SUMF1: variants seen among roughly 807,000 people sequenced by gnomAD.
SUMF1 encodes the protein sulfatase modifying factor 1, also known as formylglycine-generating enzyme.
A neutral mutation model predicts 47.6 loss-of-function variants in SUMF1; 48 were observed. The observed-to-expected ratio is 1.01, with a 90% CI of 0.80 to 1.28. SUMF1 has a LOEUF of 1.28. Ranked by LOEUF, SUMF1 falls within the 50% of genes most tolerant of loss-of-function variation. The pLI, the probability that SUMF1 is intolerant of heterozygous loss-of-function variation, is 0.00. For synonymous variants in SUMF1, 230 were observed against 192.1 expected, an observed-to-expected ratio of 1.20 and a Z score of -1.63; for missense variants, 571 against 485.4, an observed-to-expected ratio of 1.18 and a Z score of -1.66.
At chr3:4,247,125 G>A (rs1696688799) in intron 8 of SUMF1, among the ~76,000 whole-genome samples, 1 of 152,174 alleles carries the variant, frequency 6.6e-6, no homozygotes, top group African/African-American at 2.4e-5. Context: ...AGGCAAAGGA[G>A]GCATATTTTT....
intron 8 of SUMF1, among the ~76,000 whole-genome samples, chr3:4,075,517 G>C (rs541696069): frequency 6.6e-6 from 1 of 152,162 alleles, no homozygotes; most frequent in South Asian, 2.1e-4. Flanking sequence ...AAGAAAAAAA[G>C]GGTATTCAAT....
chr3:4,056,005 G>C (rs1334944595), intron 9 of SUMF1, among the ~76,000 whole-genome samples: 2 of 152,010 alleles, frequency 1.3e-5, no homozygotes, highest in African/African-American at 4.8e-5. Flanking sequence ...CTCTGATTCT[G>C]TCTTCCAATT....
intron 8 of SUMF1, among the ~76,000 whole-genome samples, chr3:4,215,246 G>A (rs1233306450): frequency 6.6e-6 from 1 of 152,114 alleles, no homozygotes; most frequent in Non-Finnish European, 1.5e-5. Flanking sequence ...TTCAACATAT[G>A]CAAATCAATA....
At chr3:4,359,603 A>G (rs1000296473), downstream of SUMF1, among the ~76,000 whole-genome samples, 2 of 150,676 alleles carry the variant, frequency 1.3e-5, no homozygotes, top group Non-Finnish European at 2.9e-5. Context: ...ACTTACAATC[A>G]TGGTGGAAGG....
intron 8 of SUMF1, among the ~76,000 whole-genome samples, chr3:4,124,202 A>G (rs1693606328): frequency 6.6e-6 from 1 of 152,180 alleles, no homozygotes; most frequent in Non-Finnish European, 1.5e-5. Context: ...GGGGAGACAG[A>G]ATAAACAGAT....
rs1698063045 is a variant in SUMF1, at chr3:4,303,862, C to T, written c.1014+72468G>A. The T allele has an allele frequency of 2.3e-6, 3 of 1,312,516 alleles. No individual in the cohort carries two copies. The Admixed American group carries it at 7.3e-5, about 32-fold the overall frequency. 81.3% of individuals were successfully genotyped at this position (1,312,516 alleles called of 1,614,324 possible). ...TTTACCTCCCTGGTCTCAGGTGTCT[C>T]TCACAGGTAGGATAAGCCGTGGGGC... is the stretch of plus-strand genomic sequence containing the variant. On this transcript the variant is annotated intron_variant and NMD_transcript_variant, in intron 8 of 12. Transcript: ENST00000448413.
At chr3:4,322,766 C>T (rs542442374) in intron 8 of SUMF1, among the ~76,000 whole-genome samples, 1 of 149,652 alleles carries the variant, frequency 6.7e-6, no homozygotes, top group South Asian at 2.1e-4. Flanking sequence ...AATTGTGCAA[C>T]TACTCTAAAG....
chr3:4,235,610 T>C (rs960209496), intron 8 of SUMF1, among the ~76,000 whole-genome samples: 5 of 152,094 alleles, frequency 3.3e-5, no homozygotes, highest in African/African-American at 1.2e-4. Context: ...ATTTAAGAGA[T>C]ATATCATAAA....
chr3:4,313,804 G>A (rs1244613381), intron 8 of SUMF1: 2 of 1,608,504 alleles, frequency 1.2e-6, no homozygotes, highest in African/African-American at 2.7e-5. Context: ...TCCCTATAGT[G>A]GAAGACAGTG....
chr3:4,109,021 C>G (rs1437444027), intron 8 of SUMF1, among the ~76,000 whole-genome samples: 33 of 152,126 alleles, frequency 2.2e-4, no homozygotes, highest in Admixed American at 1.2e-3. Context: ...TCCTAGCCTC[C>G]ATGGTCTTTA....
downstream of SUMF1, among the ~76,000 whole-genome samples, chr3:4,356,235 G>A (rs1290106692): frequency 4.6e-5 from 7 of 152,146 alleles, no homozygotes; most frequent in Non-Finnish European, 1.0e-4. Context: ...CTGCTCTAGG[G>A]TGGTTTGTAT....
At chr3:4,251,104 T>C (rs1008198290) in intron 8 of SUMF1, among the ~76,000 whole-genome samples, 3 of 152,174 alleles carry the variant, frequency 2.0e-5, no homozygotes, top group Admixed American at 1.3e-4. Context: ...GATTCACCAT[T>C]CTAGATACCA....
chr3:4,272,938 C>T (rs922215165), intron 8 of SUMF1, among the ~76,000 whole-genome samples: 12 of 152,000 alleles, frequency 7.9e-5, no homozygotes, highest in South Asian at 2.1e-4. Flanking sequence ...AGCGAGGCAT[C>T]GTGTTACGCA....
chr3:4,392,809 T>C (rs1279422904), intron 7 of SUMF1, among the ~76,000 whole-genome samples: 1 of 152,042 alleles, frequency 6.6e-6, no homozygotes, highest in Non-Finnish European at 1.5e-5. Flanking sequence ...CCATGGTCTG[T>C]ACCCACTGAT....
At chr3:4,268,017 A>C (rs1232889403) in intron 8 of SUMF1, among the ~76,000 whole-genome samples, 1 of 152,170 alleles carries the variant, frequency 6.6e-6, no homozygotes, top group Admixed American at 6.5e-5. Context: ...CTGGATTAAG[A>C]AAATGTGGTA....
chr3:4,067,360 C>G (rs377496910), intron 9 of SUMF1, among the ~76,000 whole-genome samples: 27 of 152,170 alleles, frequency 1.8e-4, no homozygotes, highest in African/African-American at 6.3e-4. Context: ...AAGGAGAGCA[C>G]TCCAAATTTG....
At chr3:4,328,114 A>G (rs776045278) in intron 8 of SUMF1, among the ~76,000 whole-genome samples, 8 of 152,132 alleles carry the variant, frequency 5.3e-5, no homozygotes, top group South Asian at 2.1e-4. Flanking sequence ...GGTACTTAGG[A>G]GGCTGAGGTG....
intron 8 of SUMF1, among the ~76,000 whole-genome samples, chr3:4,104,758 C>A (rs968072324): frequency 2.0e-5 from 3 of 151,834 alleles, no homozygotes; most frequent in African/African-American, 7.3e-5. Context: ...TTTCCTTTAA[C>A]CTTTCCAGGC....
intron 8 of SUMF1, among the ~76,000 whole-genome samples, chr3:4,201,450 C>A (rs1695538218): frequency 6.6e-6 from 1 of 152,020 alleles, no homozygotes; most frequent in Non-Finnish European, 1.5e-5. Flanking sequence ...CCACTTCCAC[C>A]CATCTTGTTG....
Sources: gnomAD v4.1 joint callset for allele counts (sites outside exome capture counted in the v4.1 genomes callset) on GRCh38, gnomAD v4.1.1 for gene constraint, MANE v1.5 for transcripts, NCBI Gene and HGNC (gene_info 2026-07-23, HGNC 2026-07-21) for gene names.